The following DTNA variants were observed in gnomAD, a reference collection of about 807,000 sequenced individuals.
The protein encoded by DTNA is dystrobrevin alpha.
A neutral mutation model predicts 100.7 loss-of-function variants in DTNA; 43 were observed. The observed-to-expected ratio is 0.43, with a 90% CI of 0.33 to 0.55. DTNA has a LOEUF of 0.55. DTNA is among the 20% of genes least tolerant of loss of function. DTNA has a pLI of 0.04. For missense variants in DTNA, 798 were observed against 953.9 expected (o/e 0.84, Z 2.15); for synonymous variants, 349 against 347.9 (o/e 1.00, Z -0.04).
intron 1 of DTNA, among the ~76,000 whole-genome samples, chr18:34,718,365 T>C (rs2084511297): frequency 6.6e-6 from 1 of 151,346 alleles, no homozygotes; most frequent in Non-Finnish European, 1.5e-5. Flanking sequence ...TTTTATTTCT[T>C]CCAAAAATAC....
intron 1 of DTNA, among the ~76,000 whole-genome samples, chr18:34,600,932 C>T (rs529579624): frequency 2.0e-5 from 3 of 152,218 alleles, no homozygotes; most frequent in Non-Finnish European, 4.4e-5. Flanking sequence ...TTTCCTTATA[C>T]TCACATTCCC....
At chr18:34,876,736 AAAGG>A (rs1278789775) in intron 18 of DTNA, among the ~76,000 whole-genome samples, 3 of 152,210 alleles carry the variant, frequency 2.0e-5, no homozygotes, top group Non-Finnish European at 4.4e-5. Flanking sequence ...CTCTGAGGGA[AAAGG>A]AAGGATCTAT....
intron 1 of DTNA, among the ~76,000 whole-genome samples, chr18:34,551,114 G>A (rs1057094382): frequency 2.6e-5 from 4 of 152,102 alleles, no homozygotes; most frequent in East Asian, 1.9e-4. Flanking sequence ...GAATAGACTG[G>A]CCTCCATTCA....
chr18:34,869,846 C>G (rs978826534), intron 17 of DTNA, among the ~76,000 whole-genome samples: 2 of 152,100 alleles, frequency 1.3e-5, no homozygotes, highest in Non-Finnish European at 2.9e-5. Flanking sequence ...ACGGTGAAAC[C>G]CTGTCTCTAC....
chr18:34,495,402 A>G (rs1229447714), intron 1 of DTNA, among the ~76,000 whole-genome samples: 1 of 152,236 alleles, frequency 6.6e-6, no homozygotes, highest in Non-Finnish European at 1.5e-5. Flanking sequence ...TCAGCCGTTA[A>G]GATGTATCAG....
At chr18:34,824,747 CT>C (rs2095815632) in intron 9 of DTNA, among the ~76,000 whole-genome samples, 1 of 151,436 alleles carries the variant, frequency 6.6e-6, no homozygotes, top group Non-Finnish European at 1.5e-5. Context: ...CTTTTTTCTT[CT>C]TTTTTTATTT....
At chr18:34,523,952 G>A (rs2145297873) in intron 1 of DTNA, among the ~76,000 whole-genome samples, 1 of 149,904 alleles carries the variant, frequency 6.7e-6, no homozygotes, top group East Asian at 1.9e-4. Context: ...AGCATCCAAG[G>A]GCTGCTGGTT....
intron 3 of DTNA, 25 bp downstream of exon 3, chr18:34,766,066 A>G: frequency 1.2e-6 from 2 of 1,609,074 alleles, no homozygotes; most frequent in Non-Finnish European, 1.7e-6. Flanking sequence ...TGTTTGGACT[A>G]ATTACCATCA....
intron 1 of DTNA, among the ~76,000 whole-genome samples, chr18:34,675,392 C>T (rs1432866843): frequency 2.8e-4 from 42 of 151,960 alleles, no homozygotes; most frequent in Admixed American, 2.8e-3. Flanking sequence ...TTTAGGCTAC[C>T]CGTTCTTGAA....
chr18:34,839,615 G>C (rs1008401644), intron 13 of DTNA, among the ~76,000 whole-genome samples: 1 of 152,074 alleles, frequency 6.6e-6, no homozygotes, highest in African/African-American at 2.4e-5. Context: ...ATCTAGTTCA[G>C]ACTATTGTTT....
intron 1 of DTNA, among the ~76,000 whole-genome samples, chr18:34,668,797 G>T (rs1474057860): frequency 6.6e-6 from 1 of 152,116 alleles, no homozygotes; most frequent in African/African-American, 2.4e-5. Context: ...GAGACAGTTT[G>T]TTATAATTTC....
intron 1 of DTNA, among the ~76,000 whole-genome samples, chr18:34,641,454 C>G (rs769176070): frequency 3.3e-5 from 5 of 152,204 alleles, no homozygotes; most frequent in Non-Finnish European, 5.9e-5. Flanking sequence ...TAAACCTTCC[C>G]CCTCTGGAAC....
rs980900360 is a variant in DTNA, at chr18:34,551,285, G to A, written c.-2+57771G>A. ...TTCTCTTCACCCTACCCATGTGTAG[G>A]CAAAAAACAAGTCAAGTGGTTCTGC... On this transcript the variant is annotated intron_variant, in intron 1 of 19. Transcript: ENST00000283365. 3.3e-5 allele frequency among the ~76,000 whole-genome samples: 5 copies of A among 151,910 alleles called. No homozygotes were observed. In the South Asian group the frequency reaches 8.3e-4, roughly 25 times the overall value.
At chr18:34,779,430 A>G (rs960358355) in intron 3 of DTNA, among the ~76,000 whole-genome samples, 5 of 152,316 alleles carry the variant, frequency 3.3e-5, no homozygotes, top group African/African-American at 1.2e-4. Flanking sequence ...GAAACCTGAT[A>G]TGCACATTCT....
At chr18:34,845,770 A>G (rs2096366627) in intron 13 of DTNA, among the ~76,000 whole-genome samples, 2 of 152,216 alleles carry the variant, frequency 1.3e-5, no homozygotes, top group South Asian at 4.1e-4. Context: ...ATTATTTTAT[A>G]AAGACAGACA....
intron 1 of DTNA, among the ~76,000 whole-genome samples, chr18:34,580,159 G>A (rs3962007): frequency 0.1 from 15,654 of 151,736 alleles, 1,170 homozygotes; most frequent in African/African-American, 0.21. Context: ...TATCATTTCT[G>A]TTTTGCTCTT....
In DTNA at chr18:34,867,141, C is replaced by G. The variant is rs530376552; in HGVS notation, c.1743+3079C>G. Reference sequence around the variant, plus strand: ...ATTATTTCCATGGATCAATTAGAACCACAACCTGTCCAATTTCAACGTATC... The same window carrying G: ...ATTATTTCCATGGATCAATTAGAACGACAACCTGTCCAATTTCAACGTATC... On this transcript the variant is annotated intron_variant, in intron 17 of 22. Coordinates refer to ENST00000444659, the MANE Select transcript of DTNA (RefSeq NM_001386795.1). 1,125 of 1,231,198 alleles carry G rather than the reference C, an allele frequency of 9.1e-4. 32 individuals are homozygous for G. In the South Asian group the frequency reaches 0.038, roughly 42 times the overall value. 76.3% of individuals were successfully genotyped at this position (1,231,198 alleles called of 1,614,324 possible).
chr18:34,501,622 A>G (rs1054002043), intron 1 of DTNA, among the ~76,000 whole-genome samples: 1 of 152,012 alleles, frequency 6.6e-6, no homozygotes, highest in Admixed American at 6.6e-5. Flanking sequence ...TTTTGTTTTT[A>G]GTTACGGGAC....
rs541653045 is a variant in DTNA at position 34,889,344 on chromosome 18, C to T, written c.*1610C>T. 8.8e-4 allele frequency: 865 copies of T among 982,560 alleles called. 26 individuals carry two copies. In the South Asian group the frequency reaches 0.036, roughly 41 times the overall value. 60.9% of individuals were successfully genotyped at this position (982,560 alleles called of 1,614,324 possible). A position where few individuals can be genotyped will look rare whatever the true frequency, so the allele number is the denominator to read the frequency against. On this transcript the variant is annotated 3_prime_UTR_variant, in exon 23 of 23. Transcript: ENST00000444659. ...CCTCAGGCCTACTGAATCAGAAGCT[C>T]TGGGGGTTGGGTCCAGAAGTCTGTT... is the stretch of plus-strand genomic sequence containing the variant.
Sources: allele counts gnomAD v4.1 joint callset (sites outside exome capture counted in the v4.1 genomes callset), GRCh38; gene constraint gnomAD v4.1.1; transcripts MANE v1.5; gene names NCBI Gene and HGNC (gene_info 2026-07-23, HGNC 2026-07-21).